The following SLC36A1 variants were observed in gnomAD, a reference collection of about 807,000 sequenced individuals.
SLC36A1 encodes solute carrier family 36 member 1, also known as proton-coupled amino acid transporter 1.
SLC36A1 carries 30 observed loss-of-function variants against 47.5 expected under a neutral mutation model. The observed-to-expected ratio is 0.63, with a 90% CI of 0.47 to 0.86. The LOEUF (loss-of-function observed/expected upper bound fraction) is 0.86. Among genes scored for constraint, SLC36A1 ranks in the 40% least tolerant of loss-of-function variants. SLC36A1 has a pLI of 0.00. For synonymous variants in SLC36A1, 255 were observed against 249.7 expected (o/e 1.02, Z -0.20); for missense variants, 517 against 606.0 (o/e 0.85, Z 1.54).
At chr5:151,416,804 C>A in the SLC36A1 span, among the ~76,000 whole-genome samples, 1 of 152,050 alleles carries the variant, frequency 6.6e-6, no homozygotes, top group Non-Finnish European at 1.5e-5. Context: ...AATTGTAAAC[C>A]CCAAAATCTC....
chr5:151,516,998 C>T, the SLC36A1 span, among the ~76,000 whole-genome samples: 1 of 151,936 alleles, frequency 6.6e-6, no homozygotes, highest in African/African-American at 2.4e-5. Context: ...ATCCCAACTA[C>T]TCGGGAAGCT....
the SLC36A1 span, among the ~76,000 whole-genome samples, chr5:151,360,470 G>C: frequency 6.6e-6 from 1 of 152,098 alleles, no homozygotes; most frequent in African/African-American, 2.4e-5. Context: ...TCTTCATATT[G>C]AGTAGGCTGA....
At chr5:151,458,657 T>A (rs1755051908) in intron 1 of SLC36A1, 131 bp from the exon 2 acceptor site, 1 of 1,001,118 alleles carries the variant, frequency 1.0e-6, no homozygotes, top group South Asian at 1.8e-5. Flanking sequence ...GGCACTTTCA[T>A]ACTTAATCCA....
intron 7 of SLC36A1, among the ~76,000 whole-genome samples, chr5:151,468,167 G>A (rs1280066876): frequency 4.1e-5 from 6 of 146,326 alleles, no homozygotes; most frequent in African/African-American, 1.5e-4. Context: ...CAGGAGAATC[G>A]CTTGAACCTG....
intron 5 of SLC36A1, 59 bp downstream of exon 5, chr5:151,465,228 G>A: frequency 7.6e-7 from 1 of 1,315,238 alleles, no homozygotes; most frequent in Non-Finnish European, 1.1e-6. Flanking sequence ...CTTCAGATGG[G>A]GAGGTGCAAC....
chr5:151,381,787 T>C, the SLC36A1 span, among the ~76,000 whole-genome samples: 1 of 152,220 alleles, frequency 6.6e-6, no homozygotes, highest in African/African-American at 2.4e-5. Context: ...CCTGGCTCAC[T>C]GGCCCCGCCC....
the SLC36A1 span, chr5:151,507,252 A>C: frequency 6.2e-7 from 1 of 1,614,166 alleles, no homozygotes. Flanking sequence ...ACTGCAGACC[A>C]CTGGCCGTTG....
chr5:151,554,860 A>G, the SLC36A1 span, among the ~76,000 whole-genome samples: 4 of 152,236 alleles, frequency 2.6e-5, no homozygotes, highest in Admixed American at 6.5e-5. Flanking sequence ...GTGAGAACAG[A>G]GAAAGGAAGC....
chr5:151,357,957 A>G, the SLC36A1 span, among the ~76,000 whole-genome samples: 1 of 152,230 alleles, frequency 6.6e-6, no homozygotes, highest in Non-Finnish European at 1.5e-5. Context: ...AGACCAGAAT[A>G]GGTTCAGAGA....
At chr5:151,374,559 A>G in the SLC36A1 span, among the ~76,000 whole-genome samples, 2 of 152,236 alleles carry the variant, frequency 1.3e-5, no homozygotes, top group Non-Finnish European at 2.9e-5. Flanking sequence ...TATTTTTCAT[A>G]AAATAATTTC....
intron 10 of SLC36A1, among the ~76,000 whole-genome samples, chr5:151,481,787 C>T (rs1343945811): frequency 1.3e-5 from 2 of 152,094 alleles, no homozygotes; most frequent in Non-Finnish European, 2.9e-5. Context: ...TAGGATAGTG[C>T]TCATTTTGTT....
chr5:151,513,940 C>T, the SLC36A1 span, among the ~76,000 whole-genome samples: 1 of 152,242 alleles, frequency 6.6e-6, no homozygotes, highest in African/African-American at 2.4e-5. Context: ...GTAAAAAGTC[C>T]TGAAGTCAAA....
the SLC36A1 span, chr5:151,537,929 C>T: frequency 1.4e-5 from 22 of 1,613,912 alleles, no homozygotes; most frequent in Admixed American, 2.2e-4. Flanking sequence ...CTTCATGAAC[C>T]TTGCCAGTAT....
chr5:151,398,374 C>T, the SLC36A1 span, among the ~76,000 whole-genome samples: 32 of 152,272 alleles, frequency 2.1e-4, no homozygotes, highest in African/African-American at 7.2e-4. Flanking sequence ...TAAGGTGACC[C>T]GCAGTAATGC....
rs1755901119 is a variant in SLC36A1, at chr5:151,463,623, G to A, written c.214G>A (p.Val72Met). The A allele has an allele frequency of 2.5e-6, 4 of 1,614,158 alleles. No individual in the cohort carries two copies. In the Middle Eastern group the frequency reaches 4.9e-4, roughly 200 times the overall value. ...GTGLLGLPLA[V>M]KNAGIVMGPI... Reference sequence around the variant, plus strand: ...AGGACTCCTGGGACTCCCTCTGGCGGTGAAAAATGCAGGCATCGTGGTAAG... The same window carrying A: ...AGGACTCCTGGGACTCCCTCTGGCGATGAAAAATGCAGGCATCGTGGTAAG... The change falls in exon 3 of 11, where the codon GTG becomes ATG. Residue 72 changes from valine to methionine, a missense_variant. Coordinates refer to ENST00000243389, the MANE Select transcript of SLC36A1 (RefSeq NM_078483.4).
At chr5:151,458,980 C>A in intron 2 of SLC36A1, 45 bp downstream of exon 2, 1 of 1,561,820 alleles carries the variant, frequency 6.4e-7, no homozygotes, top group Non-Finnish European at 8.7e-7. Flanking sequence ...GATTCGTGTT[C>A]CTAAGCCTCC....
At chr5:151,531,771 C>T in the SLC36A1 span, 4 of 1,587,756 alleles carry the variant, frequency 2.5e-6, no homozygotes, top group Non-Finnish European at 3.4e-6. The surrounding 1 kb of genome is among the most constrained non-coding windows in gnomAD (Gnocchi z 5.7). Context: ...CTTCTAGGCC[C>T]ACCACCGAGA....
At chr5:151,406,880 G>A in the SLC36A1 span, among the ~76,000 whole-genome samples, 2 of 152,056 alleles carry the variant, frequency 1.3e-5, no homozygotes, top group Non-Finnish European at 1.5e-5. Flanking sequence ...GAGTGTTACA[G>A]TTCTTAAAGA....
chr5:151,529,289 G>A, the SLC36A1 span: 1 of 1,613,960 alleles, frequency 6.2e-7, no homozygotes, highest in Non-Finnish European at 8.5e-7. Flanking sequence ...CCATGACTGT[G>A]GTCACGTCAC....
Sources: gnomAD v4.1 joint callset for allele counts (sites outside exome capture counted in the v4.1 genomes callset) on GRCh38, gnomAD v4.1.1 for gene constraint, Gnocchi (gnomAD v3.1) non-coding constraint, MANE v1.5 for transcripts, NCBI Gene and HGNC (gene_info 2026-07-23, HGNC 2026-07-21) for gene names.